Variants in OR8B2 observed in about 807,000 individuals in gnomAD.
OR8B2 encodes the protein olfactory receptor family 8 subfamily B member 2, also known as olfactory receptor 8B2.
For synonymous variants in OR8B2, 98 were observed against 138.2 expected, an observed-to-expected ratio of 0.71 and a Z score of 2.04; for missense variants, 304 against 379.6, an observed-to-expected ratio of 0.80 and a Z score of 1.65.
intron 1 of OR8B2, 117 bp from the exon 2 acceptor site, chr11:124,383,477 T>C (rs10750267): frequency 0.47 from 393,666 of 840,372 alleles, 79,184 homozygotes; most frequent in East Asian, 0.58. Context: ...TCATGGGATC[T>C]GAATGTACTG....
chr11:124,386,917 C>T (rs1860711601), upstream of OR8B2, among the ~76,000 whole-genome samples: 1 of 152,134 alleles, frequency 6.6e-6, no homozygotes, highest in South Asian at 2.1e-4. Flanking sequence ...TCTCCAGCAC[C>T]TGTTGTTTCC....
At chr11:124,397,182 G>A in the OR8B2 span, 31 of 1,612,148 alleles carry the variant, frequency 1.9e-5, no homozygotes, top group Non-Finnish European at 2.5e-5. Flanking sequence ...GTACATTGGT[G>A]TGTGGAGGTG....
At chr11:124,390,169 A>T in the OR8B2 span, among the ~76,000 whole-genome samples, 1 of 152,142 alleles carries the variant, frequency 6.6e-6, no homozygotes, top group East Asian at 1.9e-4. Context: ...AGGCCTGATA[A>T]ATGCTTGACT....
chr11:124,394,893 T>C, the OR8B2 span, among the ~76,000 whole-genome samples: 3 of 152,344 alleles, frequency 2.0e-5, no homozygotes, highest in South Asian at 6.2e-4. Context: ...ACATTTATTG[T>C]TGGTGTTAAG....
At chr11:124,393,249 C>A in the OR8B2 span, among the ~76,000 whole-genome samples, 3,042 of 144,014 alleles carry the variant, frequency 0.021, 267 homozygotes, top group African/African-American at 0.081. Flanking sequence ...GCAAGAAAAG[C>A]CAAAATTGAC....
chr11:124,385,373 C>T (rs1860681170), upstream of OR8B2, among the ~76,000 whole-genome samples: 1 of 152,060 alleles, frequency 6.6e-6, no homozygotes, highest in Non-Finnish European at 1.5e-5. Context: ...GGACACTTCA[C>T]CCAGCTTCCT....
the OR8B2 span, chr11:124,396,401 T>C: frequency 2.5e-6 from 4 of 1,581,768 alleles, no homozygotes; most frequent in Non-Finnish European, 3.4e-6. Context: ...ACATTATTAC[T>C]GCTTCTAATT....
At chr11:124,386,503 T>C (rs112377911), upstream of OR8B2, among the ~76,000 whole-genome samples, 53,537 of 141,274 alleles carry the variant, frequency 0.38, 10,891 homozygotes, top group African/African-American at 0.6. Flanking sequence ...TGAGAATACG[T>C]GGTGTTTGGT....
In OR8B2 at chr11:124,383,795, C is replaced by T. The variant is rs1304632907; in HGVS notation, c.-17-435G>A. ...CGGAGACCATACTGATATTCTGTTT[C>T]CTAGACAGGGGTCTCCTATAGGGTT... On this transcript the variant is annotated intron_variant, in intron 1 of 1. Coordinates refer to ENST00000641451, the MANE Select transcript of OR8B2 (RefSeq NM_001005468.2). 4.6e-5 allele frequency among the ~76,000 whole-genome samples: 7 copies of T among 152,130 alleles called. No homozygotes were observed. The South Asian group carries it at 1.0e-3, about 23-fold the overall frequency.
chr11:124,396,404 T>C, the OR8B2 span: 1 of 1,586,818 alleles, frequency 6.3e-7, no homozygotes, highest in East Asian at 2.2e-5. Context: ...TTATTACTGC[T>C]TCTAATTAGA....
chr11:124,385,407 T>G (rs1438642936), upstream of OR8B2, among the ~76,000 whole-genome samples: 1 of 152,076 alleles, frequency 6.6e-6, no homozygotes, highest in East Asian at 1.9e-4. Context: ...CTTCCACAAC[T>G]GTAGGACAAT....
the OR8B2 span, among the ~76,000 whole-genome samples, chr11:124,389,678 C>T: frequency 3.3e-5 from 5 of 152,048 alleles, no homozygotes; most frequent in African/African-American, 9.7e-5. Context: ...ACTATAGTTA[C>T]GTTAATATTC....
At chr11:124,396,976 T>C in the OR8B2 span, 4 of 1,613,656 alleles carry the variant, frequency 2.5e-6, no homozygotes, top group Admixed American at 1.7e-5. Context: ...GGATTACAGA[T>C]GGCCACATAG....
At chr11:124,389,091 T>C (rs1860745000), upstream of OR8B2, among the ~76,000 whole-genome samples, 1 of 152,182 alleles carries the variant, frequency 6.6e-6, no homozygotes, top group African/African-American at 2.4e-5. Flanking sequence ...CCCAAGGTGC[T>C]GGGATTATAG....
At chr11:124,393,333 C>A in the OR8B2 span, among the ~76,000 whole-genome samples, 1 of 147,714 alleles carries the variant, frequency 6.8e-6, no homozygotes, top group Non-Finnish European at 1.5e-5. Flanking sequence ...AGGCAACCTA[C>A]AAAATGGGAG....
chr11:124,392,873 G>C, the OR8B2 span, among the ~76,000 whole-genome samples: 1 of 150,154 alleles, frequency 6.7e-6, no homozygotes, highest in East Asian at 1.9e-4. Flanking sequence ...ATACTACAAG[G>C]CTACAGTCAC....
the OR8B2 span, among the ~76,000 whole-genome samples, chr11:124,389,503 T>G: frequency 6.6e-6 from 1 of 152,094 alleles, no homozygotes; most frequent in South Asian, 2.1e-4. Flanking sequence ...ATATCATGAG[T>G]GAGTGTGTCT....
At chr11:124,386,161 T>C (rs551095060), upstream of OR8B2, among the ~76,000 whole-genome samples, 1 of 138,802 alleles carries the variant, frequency 7.2e-6, no homozygotes, top group Non-Finnish European at 1.5e-5. Context: ...TGGGAGTTGT[T>C]CTAATTCTAC....
the OR8B2 span, among the ~76,000 whole-genome samples, chr11:124,394,458 C>T: frequency 4.6e-5 from 7 of 151,834 alleles, no homozygotes; most frequent in Non-Finnish European, 8.8e-5. Flanking sequence ...AGGCCTCAGC[C>T]GGGATGAAAA....
Sources: gnomAD v4.1 joint callset for allele counts (sites outside exome capture counted in the v4.1 genomes callset) on GRCh38, gnomAD v4.1.1 for gene constraint, MANE v1.5 for transcripts, NCBI Gene and HGNC (gene_info 2026-07-23, HGNC 2026-07-21) for gene names.